The following SMIM14 variants were observed in gnomAD, a reference collection of about 807,000 sequenced individuals.
SMIM14 encodes small integral membrane protein 14.
Under a neutral mutation model 12.6 loss-of-function variants are expected in SMIM14, and 5 were observed. The ratio of observed to expected loss-of-function variants is 0.40; its 90% CI spans 0.21 to 0.83. The LOEUF (loss-of-function observed/expected upper bound fraction) is 0.83. Among genes scored for constraint, SMIM14 ranks in the 40% least tolerant of loss-of-function variants. The pLI is 0.37. For missense variants in SMIM14, 86 were observed against 119.1 expected (o/e 0.72, Z 1.29); for synonymous variants, 30 against 40.1 (o/e 0.75, Z 0.95).
intron 3 of SMIM14, among the ~76,000 whole-genome samples, chr4:39,569,869 C>T (rs1182765165): frequency 2.6e-5 from 4 of 152,222 alleles, no homozygotes; most frequent in Non-Finnish European, 5.9e-5. Flanking sequence ...CTCCTTTATA[C>T]ACAACCCTAC....
At chr4:39,620,074 C>T (rs1389881316) in intron 1 of SMIM14, among the ~76,000 whole-genome samples, 1 of 150,886 alleles carries the variant, frequency 6.6e-6, no homozygotes, top group African/African-American at 2.4e-5. Flanking sequence ...GGCATGGTAG[C>T]TCATGCCTGT....
intron 2 of SMIM14, among the ~76,000 whole-genome samples, chr4:39,586,973 G>A (rs774450451): frequency 7.2e-5 from 11 of 151,840 alleles, no homozygotes; most frequent in Non-Finnish European, 1.5e-4. Context: ...TCTCTTTTCT[G>A]TCTCTTCTAA....
chr4:39,580,305 G>A lies in SMIM14; in HGVS notation c.76-7842C>T, dbSNP rs1334056725. On this transcript the variant is annotated intron_variant, in intron 2 of 4. Transcript: ENST00000295958. ...GTGATCCTCCCACCTCAAGCCTCCT[G>A]AGTAGTGGGGACCACAGATGCGTGC... Among the ~76,000 whole-genome samples the A allele has an allele frequency of 2.0e-5, 3 of 151,952 alleles. No individual in the cohort carries two copies. The East Asian group carries it at 5.8e-4, about 29-fold the overall frequency.
At chr4:39,589,451 A>G (rs1212357864) in intron 2 of SMIM14, 1 of 152,224 alleles carries the variant, frequency 6.6e-6, no homozygotes, top group East Asian at 1.9e-4. Context: ...GAGTTGAAAT[A>G]CAGAGCTCAA....
chr4:39,631,784 T>C (rs1401919470), intron 1 of SMIM14, among the ~76,000 whole-genome samples: 1 of 152,220 alleles, frequency 6.6e-6, no homozygotes, highest in African/African-American at 2.4e-5. Flanking sequence ...GAAATACTTT[T>C]ATTAGCTATT....
At chr4:39,559,439 A>T (rs915690011) in intron 3 of SMIM14, among the ~76,000 whole-genome samples, 1 of 152,160 alleles carries the variant, frequency 6.6e-6, no homozygotes, top group Non-Finnish European at 1.5e-5. Flanking sequence ...ATTATAGATT[A>T]GATTTCTAGA....
At chr4:39,575,167 C>T (rs1172053621) in intron 2 of SMIM14, among the ~76,000 whole-genome samples, 1 of 150,052 alleles carries the variant, frequency 6.7e-6, no homozygotes, top group African/African-American at 2.5e-5. Flanking sequence ...AAGCAATCCT[C>T]CTGCTTCAGC....
chr4:39,619,708 C>CTATATATCAATAAATATAATTA (rs2110072342), intron 1 of SMIM14, among the ~76,000 whole-genome samples: 1 of 113,924 alleles, frequency 8.8e-6, no homozygotes, highest in East Asian at 2.4e-4. Flanking sequence ...ATAATTTATT[C>CTATATATCAATAAATATAATTA]TATATATCAA....
chr4:39,583,564 C>T (rs977161870), intron 2 of SMIM14, among the ~76,000 whole-genome samples: 9 of 152,050 alleles, frequency 5.9e-5, no homozygotes, highest in South Asian at 2.1e-4. Flanking sequence ...ATAAAAATAA[C>T]GCAAACATGA....
At chr4:39,565,928 T>C (rs995229497) in intron 3 of SMIM14, among the ~76,000 whole-genome samples, 1 of 151,928 alleles carries the variant, frequency 6.6e-6, no homozygotes. Context: ...TCTCTTCTCT[T>C]GACTGCCACC....
rs71645114 is a variant in SMIM14 at position 39,629,383 on chromosome 4, C to CAT, written c.-36+9354_-36+9355dup. 4.6e-3 allele frequency among the ~76,000 whole-genome samples: 544 copies of CAT among 118,316 alleles called. 2 individuals are homozygous for CAT. The highest frequency in any genetic ancestry group is 0.016 in the African/African-American group (509 of 32,396). The allele number at this position is 118,316 out of a possible 152,430, so 77.6% of individuals were successfully genotyped here. Reference sequence around the variant, plus strand: ...CTCAAAAAAAAAAAAAAAAAAGATACATATATATATATATTCCATACTATG... The same window carrying CAT: ...CTCAAAAAAAAAAAAAAAAAAGATACATATATATATATATATTCCATACTATG... On this transcript the variant is annotated intron_variant, in intron 1 of 4. Transcript: ENST00000295958.
Position 39,620,477 on chromosome 4 carries a change from CA to C in SMIM14, c.-35-15298del, listed in dbSNP as rs1049234179. On this transcript the variant is annotated intron_variant, in intron 1 of 4. Coordinates refer to ENST00000295958, the MANE Select transcript of SMIM14 (RefSeq NM_174921.3). Reference sequence around the variant, plus strand: ...CCTGGGCGAGAGAGATAGACTGTATCAAAAAAAAAATTATTTAAAAATAAAA... The same window carrying C: ...CCTGGGCGAGAGAGATAGACTGTATCAAAAAAAAATTATTTAAAAATAAAA... 2.4e-3 allele frequency among the ~76,000 whole-genome samples: 354 copies of C among 148,706 alleles called. 1 individual carries two copies. Among genetic ancestry groups the C allele is most frequent in the African/African-American group, 8.3e-3 (337 of 40,628 alleles).
intron 3 of SMIM14, among the ~76,000 whole-genome samples, chr4:39,568,914 T>C (rs181139442): frequency 2.3e-3 from 351 of 152,282 alleles, no homozygotes; most frequent in Middle Eastern, 0.014. Flanking sequence ...CCTAAATGAA[T>C]GTTCAAAGTT....
Position 39,559,807 on chromosome 4 carries a change from C to G in SMIM14, c.125-3237G>C, listed in dbSNP as rs138620730. Among the ~76,000 whole-genome samples the G allele has an allele frequency of 5.5e-4, 83 of 152,184 alleles. 1 individual carries two copies. Among genetic ancestry groups the G allele is most frequent in the African/African-American group, 2.0e-3 (81 of 41,520 alleles). ...AGGAATGTAGCCTCTGTTCCAAACCCAGTCACTTCCCTAGAAACAGCTAAA... is the reference window on the plus strand; with the variant it reads ...AGGAATGTAGCCTCTGTTCCAAACCGAGTCACTTCCCTAGAAACAGCTAAA... On this transcript the variant is annotated intron_variant, in intron 3 of 4. Coordinates refer to ENST00000295958, the MANE Select transcript of SMIM14 (RefSeq NM_174921.3).
intron 2 of SMIM14, among the ~76,000 whole-genome samples, chr4:39,604,352 C>T (rs1024339664): frequency 1.5e-4 from 23 of 151,844 alleles, no homozygotes; most frequent in African/African-American, 4.8e-4. Context: ...GCCTGGGCAA[C>T]ATGGTGAAAC....
intron 1 of SMIM14, among the ~76,000 whole-genome samples, chr4:39,637,964 C>T (rs1716163356): frequency 6.6e-6 from 1 of 152,236 alleles, no homozygotes; most frequent in African/African-American, 2.4e-5. Flanking sequence ...ATTAAGGCCA[C>T]AGCCTCGGTT....
chr4:39,603,704 T>C (rs543782961), intron 2 of SMIM14, among the ~76,000 whole-genome samples: 32 of 152,130 alleles, frequency 2.1e-4, no homozygotes, highest in African/African-American at 7.5e-4. Flanking sequence ...AAATAATTGA[T>C]TTGTTTTCAG....
chr4:39,636,468 T>A (rs1230358853), intron 1 of SMIM14, among the ~76,000 whole-genome samples: 3 of 152,196 alleles, frequency 2.0e-5, no homozygotes, highest in Non-Finnish European at 4.4e-5. Flanking sequence ...GAGGAAATCT[T>A]TTAAAACCAT....
At chr4:39,597,860 T>C (rs1424453774) in intron 2 of SMIM14, among the ~76,000 whole-genome samples, 2 of 152,190 alleles carry the variant, frequency 1.3e-5, no homozygotes, top group African/African-American at 4.8e-5. Context: ...ACTAGCTCAA[T>C]GAACAGTTAG....
Sources: allele counts gnomAD v4.1 joint callset (sites outside exome capture counted in the v4.1 genomes callset), GRCh38; gene constraint gnomAD v4.1.1; transcripts MANE v1.5; gene names NCBI Gene and HGNC (gene_info 2026-07-23, HGNC 2026-07-21).